Variants in PHF21B observed in about 807,000 individuals in gnomAD.
PHF21B encodes PHD finger protein 4.
In PHF21B, 22 loss-of-function variants were observed where a neutral mutation model predicts 62.2. The ratio of observed to expected loss-of-function variants is 0.35; its 90% CI spans 0.25 to 0.51. The LOEUF is 0.51. PHF21B is among the 20% of genes least tolerant of loss of function. PHF21B has a pLI of 0.97. For missense variants in PHF21B, 701 were observed against 707.9 expected (o/e 0.99, Z 0.11); for synonymous variants, 341 against 314.7 (o/e 1.08, Z -0.88).
intron 2 of PHF21B, among the ~76,000 whole-genome samples, 175 bp from the exon 3 acceptor site, chr22:44,920,665 G>A (rs1294234486): frequency 6.6e-6 from 1 of 152,208 alleles, no homozygotes; most frequent in Admixed American, 6.5e-5. Context: ...CTTCCAGAAA[G>A]TTTGGAAACT....
At chr22:44,936,826 A>G (rs886509422) in intron 2 of PHF21B, among the ~76,000 whole-genome samples, 3 of 151,490 alleles carry the variant, frequency 2.0e-5, no homozygotes, top group Non-Finnish European at 2.9e-5. Flanking sequence ...GTTCTACAGG[A>G]AACTTGTAAT....
At position 44,981,010 on chromosome 22, in the gene PHF21B, C is replaced by T. The variant is rs544198844; in HGVS notation, c.120+27535G>A. 7.9e-5 allele frequency among the ~76,000 whole-genome samples: 12 copies of T among 152,320 alleles called. 1 individual carries two copies. Among genetic ancestry groups the T allele is most frequent in the African/African-American group, 7.2e-5 (3 of 41,574 alleles). ...CTTTCAAATAAACATTTCTGCAAAA[C>T]GGGAAATAAATAAGTCCCAAGCTTT... On this transcript the variant is annotated intron_variant, in intron 2 of 12. Coordinates refer to ENST00000313237, the MANE Select transcript of PHF21B (RefSeq NM_138415.5).
intron 8 of PHF21B, 96 bp from the exon 9 acceptor site, chr22:44,889,878 T>G: frequency 3.1e-6 from 4 of 1,308,512 alleles, no homozygotes; most frequent in South Asian, 1.8e-5. Flanking sequence ...GCAAGGGCTC[T>G]TACCCCAGGG....
At chr22:44,891,428 C>A in intron 7 of PHF21B, 68 bp from the exon 8 acceptor site, 2 of 1,565,662 alleles carry the variant, frequency 1.3e-6, no homozygotes, top group Non-Finnish European at 8.7e-7. Flanking sequence ...TGACGTCACC[C>A]CAGGTCAGGA....
At chr22:44,920,617 T>G in intron 2 of PHF21B, 127 bp from the exon 3 acceptor site, 1 of 512,222 alleles carries the variant, frequency 2.0e-6, no homozygotes, top group Non-Finnish European at 3.5e-6. Context: ...CCTTTCTTAA[T>G]TATGATTTTT....
chr22:44,951,310 C>T (rs2072189988), intron 2 of PHF21B, among the ~76,000 whole-genome samples: 2 of 152,132 alleles, frequency 1.3e-5, no homozygotes, highest in Non-Finnish European at 2.9e-5. Context: ...ATGCAGAGTT[C>T]ACAATAGGGT....
At chr22:44,944,627 A>G (rs938974937) in intron 2 of PHF21B, among the ~76,000 whole-genome samples, 1 of 152,190 alleles carries the variant, frequency 6.6e-6, no homozygotes, top group Non-Finnish European at 1.5e-5. Flanking sequence ...ATGACGCATC[A>G]CAGGGCCACG....
intron 2 of PHF21B, among the ~76,000 whole-genome samples, chr22:44,927,195 G>A (rs564572647): frequency 5.3e-5 from 8 of 152,182 alleles, no homozygotes; most frequent in Admixed American, 3.3e-4. Flanking sequence ...TCCCTAGTCA[G>A]TTACCAAGAA....
chr22:44,964,181 G>A (rs1398605931), intron 2 of PHF21B, among the ~76,000 whole-genome samples: 1 of 152,192 alleles, frequency 6.6e-6, no homozygotes, highest in Non-Finnish European at 1.5e-5. Flanking sequence ...GACAAACACA[G>A]AGGATTCAAT....
chr22:44,923,488 C>T (rs1445899875), intron 2 of PHF21B, among the ~76,000 whole-genome samples: 2 of 152,040 alleles, frequency 1.3e-5, no homozygotes, highest in East Asian at 1.9e-4. Context: ...AAAACATAAT[C>T]GATATAAGGG....
chr22:44,992,566 A>G (rs560297447), intron 2 of PHF21B, among the ~76,000 whole-genome samples: 14 of 152,372 alleles, frequency 9.2e-5, no homozygotes, highest in South Asian at 8.3e-4. Flanking sequence ...TGTCTTCCAC[A>G]GGCTGGACTG....
chr22:44,935,487 G>A (rs893834091), intron 2 of PHF21B, among the ~76,000 whole-genome samples: 28 of 152,130 alleles, frequency 1.8e-4, no homozygotes, highest in African/African-American at 6.3e-4. Flanking sequence ...GGTGGCGGGC[G>A]CCTGTAGTCC....
intron 5 of PHF21B, among the ~76,000 whole-genome samples, chr22:44,912,025 A>G (rs1434678411): frequency 6.6e-6 from 1 of 152,224 alleles, no homozygotes; most frequent in Admixed American, 6.5e-5. Context: ...GTCAAAGGAG[A>G]TAATTTTGGA....
chr22:44,926,717 G>A (rs753727772), intron 2 of PHF21B, among the ~76,000 whole-genome samples: 3 of 152,204 alleles, frequency 2.0e-5, no homozygotes, highest in Non-Finnish European at 4.4e-5. Context: ...GTACTGCCAC[G>A]TGGGCCATGG....
chr22:44,966,153 C>A (rs1319439180), intron 2 of PHF21B, among the ~76,000 whole-genome samples: 2 of 152,212 alleles, frequency 1.3e-5, no homozygotes, highest in Admixed American at 1.3e-4. Flanking sequence ...TCCCTCCAGT[C>A]CCTCGCTCCT....
rs553653217 is a variant in PHF21B, at chr22:44,996,417, C to G, written c.120+12128G>C. Among the ~76,000 whole-genome samples the G allele has an allele frequency of 2.7e-3, 406 of 152,314 alleles. 4 individuals carry two copies. Among genetic ancestry groups the G allele is most frequent in the African/African-American group, 9.4e-3 (389 of 41,556 alleles). ...AGATGGAGGCCTTAAACAACCAGTT[C>G]TAGCCCCAGACAGCTCTCATCATCA... On this transcript the variant is annotated intron_variant, in intron 2 of 12. Coordinates refer to ENST00000313237, the MANE Select transcript of PHF21B (RefSeq NM_138415.5).
In PHF21B at chr22:44,882,184, G is replaced by GTC. The variant is rs2070751530; in HGVS notation, c.*901_*902insGA. The GTC allele has an allele frequency of 5.2e-5, 8 of 152,682 alleles. No individual in the cohort carries two copies. The highest frequency in any genetic ancestry group is 7.3e-5 in the Non-Finnish European group (5 of 68,060). 9.5% of individuals were successfully genotyped at this position (152,682 alleles called of 1,614,324 possible). On this transcript the variant is annotated 3_prime_UTR_variant, in exon 13 of 13. Coordinates refer to ENST00000313237, the MANE Select transcript of PHF21B (RefSeq NM_138415.5). ...AATACTTATCGGCTCTTCCAAAGGA[G>GTC]ACAAGAAAGGGCTTCAGTCGTTAAG...
At chr22:44,980,890 C>T (rs752298490) in intron 2 of PHF21B, among the ~76,000 whole-genome samples, 2 of 152,362 alleles carry the variant, frequency 1.3e-5, no homozygotes, top group African/African-American at 2.4e-5. Flanking sequence ...AGTCATCACA[C>T]AGCTAATTAC....
At chr22:44,962,113 T>C (rs1426915440) in intron 2 of PHF21B, among the ~76,000 whole-genome samples, 1 of 152,170 alleles carries the variant, frequency 6.6e-6, no homozygotes, top group Non-Finnish European at 1.5e-5. Context: ...TGTATTTTCT[T>C]TCCAATATAT....
Sources: gnomAD v4.1 joint callset for allele counts (sites outside exome capture counted in the v4.1 genomes callset) on GRCh38, gnomAD v4.1.1 for gene constraint, MANE v1.5 for transcripts, NCBI Gene and HGNC (gene_info 2026-07-23, HGNC 2026-07-21) for gene names.